Variants in TLR2 observed in about 807,000 individuals in gnomAD.
TLR2 encodes the protein toll-like receptor 2.
In TLR2, 7 loss-of-function variants were observed where a neutral mutation model predicts 9.1. The observed-to-expected ratio is 0.77, with a 90% CI of 0.44 to 1.44. The LOEUF (loss-of-function observed/expected upper bound fraction) is 1.44. Among genes scored for constraint, TLR2 ranks in the 40% most tolerant of loss-of-function variants. The pLI, the probability that TLR2 is intolerant of heterozygous loss-of-function variation, is 0.01. For synonymous variants in TLR2, 317 were observed against 344.6 expected (o/e 0.92, Z 0.89); for missense variants, 812 against 904.6 (o/e 0.90, Z 1.31).
rs139078841 is a variant in TLR2 at position 153,704,379 on chromosome 4, C to A, written c.1472C>A (p.Thr491Asn). 1 of 1,614,086 alleles carries A rather than the reference C, an allele frequency of 6.2e-7. No individual in the cohort carries two copies. Among genetic ancestry groups the A allele is most frequent in the South Asian group, 1.1e-5 (1 of 91,074 alleles). Reference protein sequence around the residue: ...ELYISRNKLMTLPDASLLPML... With the variant: ...ELYISRNKLMNLPDASLLPML... ...TATATTTCCAGAAATAAGTTGATGACTCTACCAGATGCCTCCCTCTTACCC... is the reference window on the plus strand; with the variant it reads ...TATATTTCCAGAAATAAGTTGATGAATCTACCAGATGCCTCCCTCTTACCC... Residue 491 changes from threonine to asparagine, a missense_variant, in exon 3 of 3, where the codon ACT (threonine) becomes AAT (asparagine). Coordinates refer to ENST00000642700, the MANE Select transcript of TLR2 (RefSeq NM_001318789.2).
intron 2 of TLR2, chr4:153,702,186 C>G (rs1736941155): frequency 6.6e-6 from 1 of 152,182 alleles, no homozygotes; most frequent in African/African-American, 2.4e-5. Context: ...ATCTGAACAG[C>G]CCATCCAGAC....
Position 153,704,604 on chromosome 4 carries a change from C to T in TLR2, c.1697C>T (p.Ser566Phe), listed in dbSNP as rs771299801. ...IDWPANYLCD[S>F]PSHVRGQQVQ... ...TGGCCAGCAAATTACCTGTGTGACT[C>T]TCCATCCCATGTGCGTGGCCAGCAG... Residue 566 changes from serine (S) to phenylalanine (F), a missense_variant, in exon 3 of 3, where the codon TCT becomes TTT. Coordinates refer to ENST00000642700, the MANE Select transcript of TLR2 (RefSeq NM_001318789.2). 6.2e-7 allele frequency: 1 copy of T among 1,613,766 alleles called. No homozygotes were observed. Among genetic ancestry groups the T allele is most frequent in the South Asian group, 1.1e-5 (1 of 91,060 alleles).
chr4:153,703,622 T>A lies in TLR2; in HGVS notation c.715T>A (p.Phe239Ile), dbSNP rs760343678. 2 of 1,613,892 alleles carry A rather than the reference T, an allele frequency of 1.2e-6. No homozygotes were observed. Among genetic ancestry groups the A allele is most frequent in the Admixed American group, 1.7e-5 (1 of 59,998 alleles). The change falls in exon 3 of 3, where the codon TTT (phenylalanine) becomes ATT (isoleucine). Residue 239 changes from phenylalanine (F) to isoleucine (I), a missense_variant. By Grantham distance (21) the Phe-to-Ile change is conservative. Transcript: ENST00000642700. ...AGATACTGATTTGGACACTTTCCAT[T>A]TTTCAGAACTATCCACTGGTGAAAC... ...LRDTDLDTFH[F>I]SELSTGETNS...
intron 2 of TLR2, among the ~76,000 whole-genome samples, chr4:153,690,215 G>A (rs1160314290): frequency 6.6e-6 from 1 of 152,166 alleles, no homozygotes; most frequent in Non-Finnish European, 1.5e-5. Context: ...TGGCCTTTAG[G>A]CAGGCTCAAA....
chr4:153,702,375 G>A (rs1222521165), intron 2 of TLR2: 4 of 152,582 alleles, frequency 2.6e-5, no homozygotes, highest in African/African-American at 9.6e-5. Flanking sequence ...TGGTCCCAAA[G>A]CATGCTACTC....
intron 2 of TLR2, among the ~76,000 whole-genome samples, chr4:153,696,863 C>CAAAAA (rs55699629): frequency 6.7e-6 from 1 of 149,292 alleles, no homozygotes; most frequent in Non-Finnish European, 1.5e-5. Context: ...AGCCCATCTA[C>CAAAAA]AAAAAAAAAA....
chr4:153,687,471 C>G (rs1735788409), intron 1 of TLR2, among the ~76,000 whole-genome samples: 1 of 152,140 alleles, frequency 6.6e-6, no homozygotes, highest in South Asian at 2.1e-4. Flanking sequence ...GAGGACCTCT[C>G]TTTTGTTAAA....
intron 2 of TLR2, among the ~76,000 whole-genome samples, chr4:153,698,974 G>C (rs910085591): frequency 6.6e-6 from 1 of 152,102 alleles, no homozygotes; most frequent in Non-Finnish European, 1.5e-5. Context: ...AAACATATAG[G>C]AGAGGCTTTA....
intron 2 of TLR2, among the ~76,000 whole-genome samples, chr4:153,701,266 A>C (rs1053873225): frequency 2.0e-5 from 3 of 152,182 alleles, no homozygotes; most frequent in Non-Finnish European, 1.5e-5. Flanking sequence ...GTCTTTCCTC[A>C]GGTATGGGAT....
chr4:153,692,234 T>C (rs1412863615), intron 2 of TLR2, among the ~76,000 whole-genome samples: 1 of 152,216 alleles, frequency 6.6e-6, no homozygotes, highest in East Asian at 1.9e-4. Context: ...TTTGGAATCA[T>C]AGCAGAAGAA....
At chr4:153,686,602 A>G (rs1385237238) in intron 1 of TLR2, among the ~76,000 whole-genome samples, 3 of 152,190 alleles carry the variant, frequency 2.0e-5, no homozygotes, top group Non-Finnish European at 4.4e-5. Flanking sequence ...AAAAATCATA[A>G]CTGTAGATAA....
downstream of TLR2, among the ~76,000 whole-genome samples, chr4:153,708,167 C>T (rs1480540557): frequency 6.6e-6 from 1 of 152,112 alleles, no homozygotes; most frequent in Admixed American, 6.5e-5. Context: ...ATCTGACATT[C>T]CTGAACTCTG....
intron 2 of TLR2, among the ~76,000 whole-genome samples, chr4:153,700,251 TG>T (rs918445414): frequency 3.9e-5 from 6 of 152,182 alleles, no homozygotes; most frequent in Admixed American, 3.9e-4. Flanking sequence ...CCTTCAACAC[TG>T]GGGATCACAT....
chr4:153,701,781 A>AG (rs397945141), intron 2 of TLR2: 4 of 151,690 alleles, frequency 2.6e-5, no homozygotes, highest in Non-Finnish European at 5.9e-5. Flanking sequence ...AAAAAAAAAA[A>AG]GAGGGAATGC....
At chr4:153,691,820 T>G (rs1004569840) in intron 2 of TLR2, among the ~76,000 whole-genome samples, 1 of 152,186 alleles carries the variant, frequency 6.6e-6, no homozygotes, top group Non-Finnish European at 1.5e-5. Context: ...ACAATGGTAG[T>G]GTCATTTACT....
chr4:153,689,820 C>T (rs1263864735), intron 2 of TLR2, among the ~76,000 whole-genome samples: 1 of 152,204 alleles, frequency 6.6e-6, no homozygotes, highest in Non-Finnish European at 1.5e-5. Context: ...GACTGGTTGT[C>T]CCACTTTCCT....
downstream of TLR2, chr4:153,710,223 T>G (rs1413700556): frequency 8.4e-6 from 5 of 592,062 alleles, no homozygotes; most frequent in Non-Finnish European, 1.4e-5. Context: ...CTCTTTAAAT[T>G]CTTTCCACAT....
At position 153,706,026 on chromosome 4, in the gene TLR2, A is replaced by G. The variant is rs1303219803; in HGVS notation, c.*764A>G. 6.6e-6 allele frequency among the ~76,000 whole-genome samples: 1 copy of G among 152,230 alleles called. No individual in the cohort carries two copies. Among genetic ancestry groups the G allele is most frequent in the Non-Finnish European group, 1.5e-5 (1 of 68,028 alleles). ...AGGCAAAGTATTTGGGGCACTCCCC[A>G]AAACTTGTTGCTATTCCTAGAAAAA... On this transcript the variant is annotated 3_prime_UTR_variant, in exon 3 of 3. Coordinates refer to ENST00000642700, the MANE Select transcript of TLR2 (RefSeq NM_001318789.2).
downstream of TLR2, among the ~76,000 whole-genome samples, chr4:153,709,655 T>C (rs917864840): frequency 2.6e-5 from 4 of 152,310 alleles, no homozygotes; most frequent in African/African-American, 9.6e-5. Context: ...TATTGAGAAG[T>C]ACTATGAAGA....
Sources: gnomAD v4.1 joint callset for allele counts (sites outside exome capture counted in the v4.1 genomes callset) on GRCh38, gnomAD v4.1.1 for gene constraint, MANE v1.5 for transcripts, NCBI Gene and HGNC (gene_info 2026-07-23, HGNC 2026-07-21) for gene names.